The following PKD1L3 variants were observed in gnomAD, a reference collection of about 807,000 sequenced individuals.
The protein encoded by PKD1L3 is polycystin 1 like 3, transient receptor potential channel interacting.
PKD1L3 carries 239 observed loss-of-function variants against 184.1 expected under a neutral mutation model. The observed-to-expected ratio is 1.30, with a 90% CI of 1.17 to 1.45. The LOEUF (loss-of-function observed/expected upper bound fraction) is 1.45, where lower values mean the gene tolerates loss of function less well. Among genes scored for constraint, PKD1L3 ranks in the 40% most tolerant of loss-of-function variants. The pLI is 0.00. For synonymous variants in PKD1L3, 996 were observed against 778.8 expected, an observed-to-expected ratio of 1.28 and a Z score of -4.64; for missense variants, 2,660 against 2,067.2, an observed-to-expected ratio of 1.29 and a Z score of -5.56.
At chr16:71,952,147 G>T (rs2038858436) in intron 18 of PKD1L3, among the ~76,000 whole-genome samples, 1 of 147,324 alleles carries the variant, frequency 6.8e-6, no homozygotes, top group Non-Finnish European at 1.5e-5. Context: ...CCTCCCATGA[G>T]ATTCTTCCCA....
At position 71,954,092 on chromosome 16, in the gene PKD1L3, GGCTCATCCATACTTT is replaced by G. The variant is rs1327537934; in HGVS notation, c.2807_2809+12del. On this transcript the variant is annotated splice_donor_variant and splice_donor_5th_base_variant and coding_sequence_variant and intron_variant, in exon 17 of 30. Coordinates refer to ENST00000620267, the MANE Select transcript of PKD1L3 (RefSeq NM_181536.2). LOFTEE classifies it high-confidence loss of function. Reference sequence around the variant, plus strand: ...GCTTACTACAAACAACACACATCAGGGCTCATCCATACTTTGCTCATCTCTCTTGGCAGTGGTGCT... The same window carrying G: ...GCTTACTACAAACAACACACATCAGGGCTCATCTCTCTTGGCAGTGGTGCT... The G allele has an allele frequency of 1.3e-6, 2 of 1,515,584 alleles. No individual in the cohort carries two copies. The highest frequency in any genetic ancestry group is 2.3e-5 in the Admixed American group (1 of 44,042). The allele number at this position is 1,515,584 out of a possible 1,614,324, so 93.9% of individuals were successfully genotyped here.
chr16:71,956,265 C>G (rs902776706), intron 16 of PKD1L3, among the ~76,000 whole-genome samples: 1 of 131,294 alleles, frequency 7.6e-6, no homozygotes, highest in African/African-American at 2.9e-5. Flanking sequence ...CTGATCTTGG[C>G]TCACTGCAAC....
chr16:71,936,895 T>G (rs1415633665), intron 25 of PKD1L3, among the ~76,000 whole-genome samples: 1 of 152,170 alleles, frequency 6.6e-6, no homozygotes, highest in African/African-American at 2.4e-5. Flanking sequence ...CCTGAAAAAT[T>G]GAAAGAGCCA....
rs2038468996 is a variant in PKD1L3, at chr16:71,944,150, G to A, written c.3739C>T (p.Pro1247Ser). The change falls in exon 23 of 30, where the codon CCA (proline) becomes TCA (serine). Residue 1247 changes from proline (P) to serine (S), a missense_variant. By Grantham distance (74) the Pro-to-Ser change is moderately conservative (BLOSUM62 -1). Transcript: ENST00000620267. ...GGGTTGTTCTTATCTCTTGAACCTGGTACTGACGAAGAACATTTTGCTGTC... is the reference window on the plus strand; with the variant it reads ...GGGTTGTTCTTATCTCTTGAACCTGATACTGACGAAGAACATTTTGCTGTC... ...ALLAKCSSSVPGSRDKNNPVY... is the reference protein window; with the variant it reads ...ALLAKCSSSVSGSRDKNNPVY... 3 of 1,550,192 alleles carry A rather than the reference G, an allele frequency of 1.9e-6. No individual in the cohort carries two copies. The highest frequency in any genetic ancestry group is 1.7e-6 in the Non-Finnish European group (2 of 1,146,226).
intron 4 of PKD1L3, among the ~76,000 whole-genome samples, chr16:71,986,946 A>T (rs2040394687): frequency 1.2e-5 from 1 of 84,216 alleles, no homozygotes; most frequent in African/African-American, 1.0e-4. Context: ...TTTTTTTGAG[A>T]CAGAGTCTCA....
Position 71,962,957 on chromosome 16 carries a change from C to G in PKD1L3, c.2612+248G>C, listed in dbSNP as rs376932230. Among the ~76,000 whole-genome samples, 50 of 152,042 alleles carry G rather than the reference C, an allele frequency of 3.3e-4. 2 individuals carry two copies. In the East Asian group the frequency reaches 8.9e-3, roughly 27 times the overall value. On this transcript the variant is annotated intron_variant, in intron 16 of 29. Transcript: ENST00000620267. ...TATCTTAGTAAATTTATAAATGATT[C>G]TCTAGGTAAACAGTTTCAGAAAATA...
At chr16:71,931,705 C>T (rs1037585232) in intron 28 of PKD1L3, among the ~76,000 whole-genome samples, 1 of 152,116 alleles carries the variant, frequency 6.6e-6, no homozygotes, top group African/African-American at 2.4e-5. Flanking sequence ...CTCAAGTGAT[C>T]AGCCCCACCT....
chr16:71,966,468 C>T (rs1031665089), intron 15 of PKD1L3, among the ~76,000 whole-genome samples: 5 of 150,000 alleles, frequency 3.3e-5, no homozygotes, highest in Non-Finnish European at 7.4e-5. Context: ...CTTGCTGTTG[C>T]CCAGGCTGGT....
intron 22 of PKD1L3, among the ~76,000 whole-genome samples, chr16:71,944,676 C>T (rs889182984): frequency 4.0e-5 from 6 of 150,716 alleles, no homozygotes; most frequent in Non-Finnish European, 2.9e-5. Flanking sequence ...GCCTGGGCAA[C>T]ATAGCAAGAC....
chr16:71,947,460 A>G (rs932132457), intron 22 of PKD1L3, 32 bp downstream of exon 22: 10 of 1,451,918 alleles, frequency 6.9e-6, no homozygotes, highest in Non-Finnish European at 9.4e-6. Context: ...CTTTTTGCAA[A>G]ATTAGGTAGT....
chr16:71,965,671 G>C (rs941389166), intron 15 of PKD1L3, among the ~76,000 whole-genome samples: 1 of 151,294 alleles, frequency 6.6e-6, no homozygotes, highest in South Asian at 2.1e-4. Context: ...CTCCTGCCTC[G>C]GTCTCTCGAG....
chr16:71,994,368 C>T (rs1326753867), intron 2 of PKD1L3, among the ~76,000 whole-genome samples: 2 of 152,104 alleles, frequency 1.3e-5, no homozygotes, highest in East Asian at 1.9e-4. Flanking sequence ...AATATCAAAG[C>T]AATTTAGAGT....
Position 71,978,268 on chromosome 16 carries a change from A to T in PKD1L3, c.1514T>A (p.Met505Lys), listed in dbSNP as rs1261046033. The stretch of plus-strand genomic sequence containing the variant: ...ATCAGTTCCTACCTCAATGTCCTCC[A>T]TTAAATCATGGACTTGGAGCAATTT... The part of the protein sequence containing the change: ...NRKLLQVHDL[M>K]EDIEIMLWRN... The change falls in exon 10 of 30, where the codon ATG (methionine) becomes AAG (lysine). Residue 505 changes from methionine to lysine, a missense_variant. Transcript: ENST00000620267. 8 of 1,549,876 alleles carry T rather than the reference A, an allele frequency of 5.2e-6. No individual in the cohort carries two copies. The highest frequency in any genetic ancestry group is 6.1e-6 in the Non-Finnish European group (7 of 1,145,886).
At chr16:71,945,780 T>C (rs933710860) in intron 22 of PKD1L3, among the ~76,000 whole-genome samples, 2 of 151,834 alleles carry the variant, frequency 1.3e-5, no homozygotes, top group Non-Finnish European at 2.9e-5. Flanking sequence ...AGCAAATAAA[T>C]CTCTCCAAGA....
intron 16 of PKD1L3, among the ~76,000 whole-genome samples, chr16:71,958,886 A>G (rs1426869147): frequency 6.6e-6 from 1 of 150,710 alleles, no homozygotes; most frequent in Non-Finnish European, 1.5e-5. Context: ...CAGGAGTTTG[A>G]GACCAGCCTG....
At chr16:71,939,811 T>G (rs1046241935) in intron 24 of PKD1L3, among the ~76,000 whole-genome samples, 1 of 152,156 alleles carries the variant, frequency 6.6e-6, no homozygotes, top group Non-Finnish European at 1.5e-5. Flanking sequence ...GGGAACTGAA[T>G]GGACCAGTTT....
At chr16:71,993,119 G>T in intron 3 of PKD1L3, 97 bp downstream of exon 3, 1 of 872,954 alleles carries the variant, frequency 1.1e-6, no homozygotes, top group Non-Finnish European at 1.7e-6. Flanking sequence ...TTGGGCACAT[G>T]TTATAACACA....
Position 71,986,896 on chromosome 16 carries a change from T to C in PKD1L3, c.586-427A>G, listed in dbSNP as rs2040389309. On this transcript the variant is annotated intron_variant, in intron 4 of 29. Coordinates refer to ENST00000620267, the MANE Select transcript of PKD1L3 (RefSeq NM_181536.2). ...GAGAAAGTGGATGTCATGGAGGATG[T>C]TCAGTGGTAAGGAGAGGATTTTTTT... Among the ~76,000 whole-genome samples the C allele has an allele frequency of 1.3e-5, 2 of 148,990 alleles. 1 individual carries two copies. The highest frequency in any genetic ancestry group is 4.2e-4 in the South Asian group (2 of 4,742).
chr16:71,968,129 G>T, intron 13 of PKD1L3, 122 bp from the exon 14 acceptor site: 1 of 736,562 alleles, frequency 1.4e-6, no homozygotes. Context: ...CAGAAAGCAG[G>T]GCTGAGGTGT....
Sources: gnomAD v4.1 joint callset for allele counts (sites outside exome capture counted in the v4.1 genomes callset) on GRCh38, gnomAD v4.1.1 for gene constraint, MANE v1.5 for transcripts, NCBI Gene and HGNC (gene_info 2026-07-23, HGNC 2026-07-21) for gene names.